The following FMN1 variants were observed in gnomAD, a reference collection of about 807,000 sequenced individuals.
FMN1 encodes formin 1.
Under a neutral mutation model 132.4 loss-of-function variants are expected in FMN1, and 110 were observed. The observed-to-expected ratio is 0.83, with a 90% CI of 0.71 to 0.97. The LOEUF is 0.97. FMN1 is among the 50% of genes least tolerant of loss of function. FMN1 has a pLI of 0.00. For missense variants in FMN1, 1,792 were observed against 1,705.3 expected (o/e 1.05, Z -0.90); for synonymous variants, 722 against 651.7 (o/e 1.11, Z -1.64).
intron 10 of FMN1, among the ~76,000 whole-genome samples, chr15:32,915,358 C>T (rs917369554): frequency 6.6e-6 from 1 of 152,238 alleles, no homozygotes; most frequent in Non-Finnish European, 1.5e-5. Context: ...CTTGCAAGCA[C>T]TTACCATTAA....
chr15:33,053,467 G>A (rs1277942977), intron 6 of FMN1, among the ~76,000 whole-genome samples: 5 of 152,158 alleles, frequency 3.3e-5, no homozygotes, highest in Non-Finnish European at 5.9e-5. Flanking sequence ...GCAGCATGCC[G>A]AGTAGACGGG....
intron 7 of FMN1, among the ~76,000 whole-genome samples, chr15:32,986,074 G>T (rs945295699): frequency 6.6e-6 from 1 of 152,014 alleles, no homozygotes; most frequent in African/African-American, 2.4e-5. Context: ...CAGCACCCAC[G>T]ATAATAGGGG....
chr15:32,925,975 GA>G (rs1407644443), intron 10 of FMN1, among the ~76,000 whole-genome samples, 198 bp downstream of exon 10: 1 of 152,148 alleles, frequency 6.6e-6, no homozygotes, highest in Non-Finnish European at 1.5e-5. Context: ...TAAAGCATCT[GA>G]AATTTGCTTC....
chr15:33,023,154 C>T (rs1170847852), intron 6 of FMN1, among the ~76,000 whole-genome samples: 1 of 150,588 alleles, frequency 6.6e-6, no homozygotes, highest in Non-Finnish European at 1.5e-5. Context: ...CATACCACCT[C>T]AGGCTAGTGA....
intron 6 of FMN1, among the ~76,000 whole-genome samples, chr15:33,057,949 T>A (rs2037295475): frequency 6.6e-6 from 1 of 152,186 alleles, no homozygotes; most frequent in Non-Finnish European, 1.5e-5. Context: ...GAAAGCAGAC[T>A]GAGCGGAAGG....
chr15:33,144,364 T>C (rs796913753), intron 4 of FMN1, among the ~76,000 whole-genome samples: 1 of 152,078 alleles, frequency 6.6e-6, no homozygotes, highest in South Asian at 2.1e-4. Context: ...AGGCCGGGCA[T>C]GGTGGCTCAC....
At chr15:33,175,591 G>T (rs1433062222) in intron 3 of FMN1, among the ~76,000 whole-genome samples, 1 of 152,126 alleles carries the variant, frequency 6.6e-6, no homozygotes, top group Non-Finnish European at 1.5e-5. Context: ...ATAAAGAAAT[G>T]AATCTTCAAA....
chr15:33,162,186 T>C (rs996188709), intron 3 of FMN1, among the ~76,000 whole-genome samples: 3 of 151,984 alleles, frequency 2.0e-5, no homozygotes, highest in Non-Finnish European at 4.4e-5. Flanking sequence ...ATAATTTTTG[T>C]ATATTTTGTA....
chr15:32,805,094 C>G (rs2057631187), intron 17 of FMN1, among the ~76,000 whole-genome samples: 1 of 152,160 alleles, frequency 6.6e-6, no homozygotes, highest in South Asian at 2.1e-4. Context: ...ACACTGTCTT[C>G]CACAATGGTT....
At position 33,194,667 on chromosome 15, in the gene FMN1, G is replaced by T. The variant is rs866413430; in HGVS notation, c.-438C>A. On this transcript the variant is annotated 5_prime_UTR_variant, in exon 1 of 21. Transcript: ENST00000616417. ...GCTTACGGCAACAGCCGTGGCGGCT[G>T]CAGCCTCGAAGGATGCTGCGCTCCA... The T allele has an allele frequency of 2.8e-4, 42 of 152,322 alleles. No homozygotes were observed. Among genetic ancestry groups the T allele is most frequent in the African/African-American group, 9.9e-4 (41 of 41,454 alleles). The allele number at this position is 152,322 out of a possible 1,614,324, so 9.4% of individuals were successfully genotyped here.
intron 19 of FMN1, among the ~76,000 whole-genome samples, chr15:32,790,790 G>A (rs1379488686): frequency 6.6e-6 from 1 of 152,140 alleles, no homozygotes; most frequent in Non-Finnish European, 1.5e-5. Context: ...TCAATATCCA[G>A]CTGTGCGCTG....
intron 10 of FMN1, among the ~76,000 whole-genome samples, chr15:32,923,101 T>C (rs1398213282): frequency 6.6e-6 from 1 of 152,226 alleles, no homozygotes; most frequent in African/African-American, 2.4e-5. Flanking sequence ...CTCTGGGCTT[T>C]GTGCATGGCT....
chr15:32,893,336 A>C (rs951129604), intron 15 of FMN1, among the ~76,000 whole-genome samples: 51 of 152,214 alleles, frequency 3.4e-4, no homozygotes, highest in Admixed American at 1.9e-3. Flanking sequence ...CCATTTTCCA[A>C]AACTTTATCA....
chr15:33,172,764 G>GTATA lies in FMN1; in HGVS notation c.-132+7430_-132+7433dup, dbSNP rs1566966011. Among the ~76,000 whole-genome samples, 4 of 152,276 alleles carry GTATA rather than the reference G, an allele frequency of 2.6e-5. No individual in the cohort carries two copies. The South Asian group carries it at 8.3e-4, about 32-fold the overall frequency. On this transcript the variant is annotated intron_variant, in intron 3 of 20. Transcript: ENST00000616417. The stretch of plus-strand genomic sequence containing the variant: ...AGTCCCAAAGTCAATAGTCCTCTAA[G>GTATA]TATAGCACACTGAGTAGAGATTAAA...
At chr15:32,892,783 G>A (rs1010140202) in intron 15 of FMN1, among the ~76,000 whole-genome samples, 4 of 152,042 alleles carry the variant, frequency 2.6e-5, no homozygotes, top group Non-Finnish European at 5.9e-5. Context: ...CCTGATTTAA[G>A]CTAGGAGGAT....
intron 9 of FMN1, among the ~76,000 whole-genome samples, chr15:32,934,291 G>A (rs936835701): frequency 3.0e-4 from 45 of 151,954 alleles, no homozygotes; most frequent in African/African-American, 1.1e-3. Context: ...TTTTTCTATT[G>A]TGTATCCATT....
chr15:33,082,216 G>A (rs2038508693), intron 5 of FMN1, among the ~76,000 whole-genome samples: 1 of 151,882 alleles, frequency 6.6e-6, no homozygotes, highest in African/African-American at 2.4e-5. Context: ...GGGATTACAG[G>A]CGCCCACCGC....
intron 4 of FMN1, among the ~76,000 whole-genome samples, chr15:33,111,669 A>G (rs982910222): frequency 2.6e-5 from 4 of 152,186 alleles, no homozygotes; most frequent in African/African-American, 9.6e-5. Flanking sequence ...AAACATGCTA[A>G]GTAGATGTGG....
At chr15:32,888,833 G>A (rs79555432) in intron 15 of FMN1, among the ~76,000 whole-genome samples, 3,391 of 150,574 alleles carry the variant, frequency 0.023, 63 homozygotes, top group East Asian at 0.11. Context: ...CTTTGTATAT[G>A]GGTGTATCTA....
Sources: allele counts gnomAD v4.1 joint callset (sites outside exome capture counted in the v4.1 genomes callset), GRCh38; gene constraint gnomAD v4.1.1; transcripts MANE v1.5; gene names NCBI Gene and HGNC (gene_info 2026-07-23, HGNC 2026-07-21).